The following STAG1 variants were observed in gnomAD, a reference collection of about 807,000 sequenced individuals.
The protein encoded by STAG1 is STAG1 cohesin complex component, also known as cohesin subunit SA-1.
STAG1 carries 26 observed loss-of-function variants against 170.9 expected under a neutral mutation model. That is an observed-to-expected ratio of 0.15 (90% CI 0.11 to 0.21). The LOEUF (loss-of-function observed/expected upper bound fraction) is 0.21. Among genes scored for constraint, STAG1 ranks in the 10% least tolerant of loss-of-function variants. The pLI, the probability that STAG1 is intolerant of heterozygous loss-of-function variation, is 1.00. For synonymous variants in STAG1, 514 were observed against 497.7 expected (o/e 1.03, Z -0.44); for missense variants, 964 against 1,509.5 (o/e 0.64, Z 5.99).
chr3:136,693,081 A>G (rs996059692), intron 1 of STAG1, among the ~76,000 whole-genome samples: 2 of 152,246 alleles, frequency 1.3e-5, no homozygotes, highest in Non-Finnish European at 2.9e-5. Flanking sequence ...CTCCCTTTTA[A>G]GGAGAAAGAG....
chr3:136,535,010 T>A (rs896214300), intron 6 of STAG1, among the ~76,000 whole-genome samples: 5 of 152,196 alleles, frequency 3.3e-5, no homozygotes, highest in Non-Finnish European at 1.5e-5. Context: ...TGTCCATCAA[T>A]AGATGAATGG....
chr3:136,392,681 G>A (rs531847062), intron 22 of STAG1, among the ~76,000 whole-genome samples: 9 of 149,634 alleles, frequency 6.0e-5, no homozygotes, highest in South Asian at 4.2e-4. Context: ...GAGGACAATC[G>A]CTTGAACCTG....
chr3:136,487,808 T>C (rs952092479), intron 9 of STAG1, among the ~76,000 whole-genome samples: 1 of 152,214 alleles, frequency 6.6e-6, no homozygotes, highest in Non-Finnish European at 1.5e-5. Context: ...TATAATGTAG[T>C]AGAAATGAGG....
At position 136,521,308 on chromosome 3, in the gene STAG1, A is replaced by G. The variant is rs773554196; in HGVS notation, c.581T>C (p.Ile194Thr). ...VLIRQCQYSI[I>T]YDEYMMDTVI... The stretch of plus-strand genomic sequence containing the variant: ...TGTGTCCATCATATACTCATCATAA[A>G]TTATGCTATACTGACACTGTCGAAT... Residue 194 changes from isoleucine (I) to threonine (T), a missense_variant, in exon 7 of 34, where the codon ATT (isoleucine) becomes ACT (threonine). Coordinates refer to ENST00000383202, the MANE Select transcript of STAG1 (RefSeq NM_005862.3). The G allele has an allele frequency of 6.2e-7, 1 of 1,613,846 alleles. No individual in the cohort carries two copies. The highest frequency in any genetic ancestry group is 1.7e-5 in the Admixed American group (1 of 59,972).
At chr3:136,459,596 T>A (rs979037936) in intron 13 of STAG1, among the ~76,000 whole-genome samples, 7 of 152,172 alleles carry the variant, frequency 4.6e-5, no homozygotes, top group African/African-American at 1.7e-4. Flanking sequence ...AATGAAATAT[T>A]CTCCAGGACA....
intron 5 of STAG1, among the ~76,000 whole-genome samples, chr3:136,557,689 C>T (rs1208651401): frequency 6.6e-6 from 1 of 151,952 alleles, no homozygotes; most frequent in East Asian, 1.9e-4. Context: ...ATTACAAGTG[C>T]CCACCACCAT....
intron 5 of STAG1, among the ~76,000 whole-genome samples, chr3:136,565,996 T>C (rs564439846): frequency 1.3e-5 from 2 of 152,230 alleles, no homozygotes; most frequent in Admixed American, 1.3e-4. Context: ...GGACAGAAAG[T>C]AGATTCATGA....
chr3:136,369,442 A>C (rs569756987), intron 23 of STAG1, among the ~76,000 whole-genome samples, 160 bp from the exon 24 acceptor site: 1 of 152,204 alleles, frequency 6.6e-6, no homozygotes, highest in Non-Finnish European at 1.5e-5. Flanking sequence ...TCCAAATTTA[A>C]TAAAATTATT....
intron 8 of STAG1, among the ~76,000 whole-genome samples, chr3:136,500,623 T>C (rs1000444227): frequency 1.3e-4 from 20 of 152,166 alleles, no homozygotes; most frequent in African/African-American, 3.1e-4. Context: ...CTAAATCAGG[T>C]CCCTGGGTTT....
chr3:136,582,912 TAAAGA>T (rs984594650), intron 4 of STAG1, among the ~76,000 whole-genome samples: 7 of 152,290 alleles, frequency 4.6e-5, no homozygotes, highest in African/African-American at 1.4e-4. Flanking sequence ...GCCACAATAG[TAAAGA>T]AAAGAATCAA....
chr3:136,585,617 T>A (rs530960198), intron 4 of STAG1, among the ~76,000 whole-genome samples: 219 of 151,278 alleles, frequency 1.4e-3, no homozygotes, highest in Non-Finnish European at 2.6e-3. Context: ...ATAATAATAA[T>A]AAAAAAATAA....
Position 136,486,175 on chromosome 3 carries a change from C to T in STAG1, c.903-8763G>A, listed in dbSNP as rs1576519621. ...ATTCTTTCTTGAAGCTACTGTGTAC[C>T]TAATGTAGGACATAGTCAACAACAT... is the stretch of plus-strand genomic sequence containing the variant. On this transcript the variant is annotated intron_variant, in intron 9 of 33. Transcript: ENST00000383202. 2.0e-5 allele frequency among the ~76,000 whole-genome samples: 3 copies of T among 152,308 alleles called. No individual in the cohort carries two copies. The East Asian group carries it at 5.8e-4, about 29-fold the overall frequency.
chr3:136,489,838 T>C (rs1228309397), intron 9 of STAG1, among the ~76,000 whole-genome samples: 1 of 152,064 alleles, frequency 6.6e-6, no homozygotes, highest in African/African-American at 2.4e-5. Context: ...TAGCGAGTGC[T>C]GAAAGTTAGT....
At chr3:136,738,515 G>A (rs959906258) in intron 1 of STAG1, among the ~76,000 whole-genome samples, 1 of 152,058 alleles carries the variant, frequency 6.6e-6, no homozygotes, top group Non-Finnish European at 1.5e-5. Flanking sequence ...GCTGGACACG[G>A]TGGCACGCGC....
intron 6 of STAG1, among the ~76,000 whole-genome samples, chr3:136,537,310 C>T (rs550756652): frequency 1.3e-5 from 2 of 152,048 alleles, no homozygotes; most frequent in East Asian, 1.9e-4. Flanking sequence ...GCCTGGTATG[C>T]CCTCACTTGG....
intron 13 of STAG1, among the ~76,000 whole-genome samples, chr3:136,459,195 C>A (rs764208576): frequency 7.0e-6 from 1 of 143,404 alleles, no homozygotes; most frequent in East Asian, 2.1e-4. Context: ...TCCAGCCTGG[C>A]GACAGAGCGA....
Position 136,336,415 on chromosome 3 carries a change from G to T in STAG1, c.*1839C>A, listed in dbSNP as rs577838740. The T allele has an allele frequency of 6.6e-6, 1 of 152,368 alleles. No homozygotes were observed. The highest frequency in any genetic ancestry group is 1.9e-4 in the East Asian group (1 of 5,188). 9.4% of individuals were successfully genotyped at this position (152,368 alleles called of 1,614,324 possible). ...ACTGAACTGGAAACCCATTGGAGTA[G>T]ATATTTAGCCTTTTTGTGTGGCATG... On this transcript the variant is annotated 3_prime_UTR_variant, in exon 34 of 34. Transcript: ENST00000383202.
At chr3:136,509,808 C>A (rs1232178711) in intron 7 of STAG1, among the ~76,000 whole-genome samples, 1 of 152,158 alleles carries the variant, frequency 6.6e-6, no homozygotes, top group African/African-American at 2.4e-5. Context: ...TCTTGCTAAA[C>A]ATAAAACTGA....
At chr3:136,566,045 C>G (rs1937065038) in intron 5 of STAG1, among the ~76,000 whole-genome samples, 1 of 152,082 alleles carries the variant, frequency 6.6e-6, no homozygotes, top group African/African-American at 2.4e-5. Context: ...ATAGTGATTA[C>G]CTAACAGGTA....
Sources: gnomAD v4.1 joint callset for allele counts (sites outside exome capture counted in the v4.1 genomes callset) on GRCh38, gnomAD v4.1.1 for gene constraint, MANE v1.5 for transcripts, NCBI Gene and HGNC (gene_info 2026-07-23, HGNC 2026-07-21) for gene names.